The following CADM2 variants were observed in gnomAD, a reference collection of about 807,000 sequenced individuals.
CADM2 encodes cell adhesion molecule 2, also known as immunoglobulin superfamily member 4D.
CADM2 carries 12 observed loss-of-function variants against 49.8 expected under a neutral mutation model. The observed-to-expected ratio is 0.24, with a 90% CI of 0.15 to 0.39. The LOEUF is 0.39. Ranked by LOEUF, CADM2 falls within the 10% of genes least tolerant of loss-of-function variation. The probability of loss-of-function intolerance (pLI) is 1.00; values close to 1 mark genes in which losing one functional copy is unlikely to be tolerated. For missense variants in CADM2, 378 were observed against 492.3 expected, an observed-to-expected ratio of 0.77 and a Z score of 2.20; for synonymous variants, 214 against 175.4, an observed-to-expected ratio of 1.22 and a Z score of -1.74.
At chr3:85,732,268 AAAG>A (rs1459909790) in intron 2 of CADM2, among the ~76,000 whole-genome samples, 1 of 152,114 alleles carries the variant, frequency 6.6e-6, no homozygotes, top group African/African-American at 2.4e-5. Flanking sequence ...CTCAAAAAAA[AAAG>A]AAAAAAAGTG....
chr3:85,614,991 A>G (rs1188616417), intron 1 of CADM2, among the ~76,000 whole-genome samples: 8 of 152,000 alleles, frequency 5.3e-5, no homozygotes. Flanking sequence ...GCTGTCCTTT[A>G]GCTAAATGAA....
intron 1 of CADM2, among the ~76,000 whole-genome samples, chr3:85,185,791 C>T (rs1251239381): frequency 6.6e-6 from 1 of 152,084 alleles, no homozygotes; most frequent in South Asian, 2.1e-4. Flanking sequence ...CTTTAATAAA[C>T]GGGAGTCATT....
chr3:85,491,947 C>CA (rs11392788), intron 1 of CADM2, among the ~76,000 whole-genome samples: 40,908 of 134,410 alleles, frequency 0.3, 6,039 homozygotes, highest in South Asian at 0.4. Context: ...GAGACTGTCT[C>CA]AAAAAAAAAA....
intron 1 of CADM2, among the ~76,000 whole-genome samples, chr3:85,212,874 CT>C (rs1217516109): frequency 8.1e-6 from 1 of 122,704 alleles, no homozygotes; most frequent in African/African-American, 3.9e-5. Flanking sequence ...TTCTTTCTTT[CT>C]TTCTTTCTTT....
chr3:85,363,702 T>C (rs1366607578), intron 1 of CADM2, among the ~76,000 whole-genome samples: 2 of 152,120 alleles, frequency 1.3e-5, no homozygotes, highest in Non-Finnish European at 2.9e-5. Flanking sequence ...AGCTCCGCCT[T>C]CTGGATTCAC....
intron 1 of CADM2, among the ~76,000 whole-genome samples, chr3:85,422,308 G>A (rs1044175495): frequency 6.6e-6 from 1 of 151,874 alleles, no homozygotes; most frequent in African/African-American, 2.4e-5. Context: ...TTGAGACAGA[G>A]TCTCTGTCGC....
chr3:85,865,742 G>A (rs1464600798), intron 3 of CADM2, among the ~76,000 whole-genome samples: 1 of 152,174 alleles, frequency 6.6e-6, no homozygotes, highest in Non-Finnish European at 1.5e-5. Context: ...GTTAAGCTGT[G>A]AGAGGGACGC....
intron 3 of CADM2, among the ~76,000 whole-genome samples, chr3:85,854,431 A>G (rs1036076140): frequency 6.6e-6 from 1 of 152,172 alleles, no homozygotes; most frequent in Non-Finnish European, 1.5e-5. Flanking sequence ...CATATACACC[A>G]TGGAATACTA....
At chr3:85,197,333 A>T (rs933735289) in intron 1 of CADM2, among the ~76,000 whole-genome samples, 4 of 151,922 alleles carry the variant, frequency 2.6e-5, no homozygotes, top group African/African-American at 7.2e-5. Context: ...ACCTCACTAC[A>T]TAGTTTCCAA....
chr3:85,731,988 C>T (rs2067951869), intron 2 of CADM2, among the ~76,000 whole-genome samples: 1 of 150,146 alleles, frequency 6.7e-6, no homozygotes, highest in African/African-American at 2.5e-5. Context: ...TGGCTCACAC[C>T]TGTGATCCCA....
intron 2 of CADM2, among the ~76,000 whole-genome samples, chr3:85,737,347 A>C (rs970671576): frequency 6.6e-6 from 1 of 152,198 alleles, no homozygotes; most frequent in African/African-American, 2.4e-5. Flanking sequence ...ATAACTTGTC[A>C]AGAATGACAT....
At chr3:85,288,932 C>G (rs2106922977) in intron 1 of CADM2, among the ~76,000 whole-genome samples, 1 of 152,154 alleles carries the variant, frequency 6.6e-6, no homozygotes, top group Middle Eastern at 3.4e-3. Flanking sequence ...ATGAACAGTT[C>G]TTGAGATAAA....
chr3:85,222,559 T>G (rs960655083), intron 1 of CADM2, among the ~76,000 whole-genome samples: 2 of 152,178 alleles, frequency 1.3e-5, no homozygotes, highest in Non-Finnish European at 2.9e-5. Flanking sequence ...CGCTGTCACA[T>G]ATATTTTCCC....
chr3:85,236,539 G>T (rs561693917), intron 1 of CADM2, among the ~76,000 whole-genome samples: 1 of 152,140 alleles, frequency 6.6e-6, no homozygotes, highest in Admixed American at 6.6e-5. Flanking sequence ...ATTAGATATA[G>T]TTATTTGCCA....
intron 1 of CADM2, among the ~76,000 whole-genome samples, chr3:85,238,006 TAATAAC>T (rs1165202906): frequency 1.3e-5 from 2 of 151,906 alleles, no homozygotes; most frequent in African/African-American, 2.4e-5. Context: ...AATATAGAAA[TAATAAC>T]AATAACACTT....
intron 8 of CADM2, among the ~76,000 whole-genome samples, chr3:86,061,300 C>T (rs1479336728): frequency 6.6e-6 from 1 of 151,746 alleles, no homozygotes; most frequent in East Asian, 1.9e-4. Flanking sequence ...TTTTAGAAGT[C>T]CTTCAACTGA....
chr3:85,754,766 C>T (rs1369582284), intron 2 of CADM2, among the ~76,000 whole-genome samples: 2 of 152,044 alleles, frequency 1.3e-5, no homozygotes, highest in Non-Finnish European at 2.9e-5. Flanking sequence ...CAAACATTAA[C>T]ATTGTCATGA....
intron 8 of CADM2, 130 bp downstream of exon 8, chr3:85,961,777 A>T (rs887962015): frequency 6.2e-5 from 28 of 449,056 alleles, no homozygotes; most frequent in African/African-American, 5.3e-4. Context: ...ATCTTATGAG[A>T]TATTTAATTA....
At chr3:86,039,463 C>T (rs532510329) in intron 8 of CADM2, among the ~76,000 whole-genome samples, 16 of 152,294 alleles carry the variant, frequency 1.1e-4, no homozygotes, top group Non-Finnish European at 1.6e-4. Context: ...GAGGGTCCCA[C>T]GCCCACGGAG....
Sources: allele counts gnomAD v4.1 joint callset (sites outside exome capture counted in the v4.1 genomes callset), GRCh38; gene constraint gnomAD v4.1.1; transcripts MANE v1.5; gene names NCBI Gene and HGNC (gene_info 2026-07-23, HGNC 2026-07-21).